Variants in SKAP2 observed in about 807,000 individuals in gnomAD.
The protein encoded by SKAP2 is src kinase-associated phosphoprotein 2.
Under a neutral mutation model 54.9 loss-of-function variants are expected in SKAP2, and 28 were observed. The observed-to-expected ratio is 0.51, with a 90% CI of 0.38 to 0.70. The LOEUF (loss-of-function observed/expected upper bound fraction) is 0.70. SKAP2 is among the 30% of genes least tolerant of loss of function. SKAP2 has a pLI of 0.00. For synonymous variants in SKAP2, 137 were observed against 134.3 expected, an observed-to-expected ratio of 1.02 and a Z score of -0.14; for missense variants, 356 against 424.1, an observed-to-expected ratio of 0.84 and a Z score of 1.41.
chr7:26,740,479 CTGAG>C (rs1782415126), intron 4 of SKAP2, among the ~76,000 whole-genome samples: 1 of 152,126 alleles, frequency 6.6e-6, no homozygotes. Context: ...GGACATTCCA[CTGAG>C]TGAGTATGCT....
At chr7:26,746,616 C>CTTTTTTTTT (rs10669344) in intron 4 of SKAP2, 1 of 131,114 alleles carries the variant, frequency 7.6e-6, no homozygotes. Context: ...AGTTCCATAC[C>CTTTTTTTTT]TTTTTTTTTT....
intron 4 of SKAP2, among the ~76,000 whole-genome samples, chr7:26,805,354 T>C (rs1213643506): frequency 2.6e-5 from 4 of 152,234 alleles, no homozygotes; most frequent in Admixed American, 6.5e-5. Flanking sequence ...ATGCTGATTT[T>C]AAAATGAGTT....
At chr7:26,732,382 C>G (rs1282268327) in intron 6 of SKAP2, among the ~76,000 whole-genome samples, 1 of 152,206 alleles carries the variant, frequency 6.6e-6, no homozygotes, top group Non-Finnish European at 1.5e-5. Flanking sequence ...TACCTTAGTT[C>G]TTGCTTGCTT....
chr7:26,802,262 T>G (rs1470280103), intron 4 of SKAP2, among the ~76,000 whole-genome samples: 2 of 44,220 alleles, frequency 4.5e-5, no homozygotes, highest in East Asian at 5.8e-4. Flanking sequence ...AAAAGACAGT[T>G]TTTTTTTTTT....
At chr7:26,697,836 A>G (rs541503716) in intron 9 of SKAP2, among the ~76,000 whole-genome samples, 1 of 152,248 alleles carries the variant, frequency 6.6e-6, no homozygotes, top group South Asian at 2.1e-4. Context: ...CTTAATTCTT[A>G]TTTTAAATAA....
chr7:26,752,121 C>A (rs1321048620), intron 4 of SKAP2, among the ~76,000 whole-genome samples: 1 of 152,116 alleles, frequency 6.6e-6, no homozygotes, highest in African/African-American at 2.4e-5. Context: ...CTTGGAACTA[C>A]AAAGTCATTT....
chr7:26,833,249 A>G (rs542448434), intron 4 of SKAP2, among the ~76,000 whole-genome samples: 96 of 151,538 alleles, frequency 6.3e-4, no homozygotes, highest in Non-Finnish European at 1.1e-3. Context: ...AAAAAAAATT[A>G]GCCAGGAGTG....
chr7:26,749,325 T>G (rs1019845469), intron 4 of SKAP2, among the ~76,000 whole-genome samples: 1 of 152,192 alleles, frequency 6.6e-6, no homozygotes, highest in South Asian at 2.1e-4. Context: ...TAGTCTATAT[T>G]ATGCGCCAGG....
At position 26,783,794 on chromosome 7, in the gene SKAP2, A is replaced by G. The variant is rs1415405546; in HGVS notation, c.308-43830T>C. On this transcript the variant is annotated intron_variant, in intron 4 of 12. Coordinates refer to ENST00000345317, the MANE Select transcript of SKAP2 (RefSeq NM_003930.5). Reference sequence around the variant, plus strand: ...ACATCACACTCTGGGGCCTGTTGTGAGGTGGGGGGAGCGGGGAGGGATAGC... The same window carrying G: ...ACATCACACTCTGGGGCCTGTTGTGGGGTGGGGGGAGCGGGGAGGGATAGC... 3.9e-5 allele frequency among the ~76,000 whole-genome samples: 6 copies of G among 152,024 alleles called. No individual in the cohort carries two copies. The South Asian group carries it at 8.3e-4, about 21-fold the overall frequency.
In SKAP2 at chr7:26,717,509, C is replaced by CAAAAAAAAAAAAAAAAAAAAAAAAAAAA. The variant is rs58826714; in HGVS notation, c.796+7891_796+7918dup. Among the ~76,000 whole-genome samples the CAAAAAAAAAAAAAAAAAAAAAAAAAAAA allele has an allele frequency of 3.9e-4, 9 of 23,134 alleles. 2 individuals are homozygous for CAAAAAAAAAAAAAAAAAAAAAAAAAAAA. The highest frequency in any genetic ancestry group is 9.4e-4 in the Non-Finnish European group (9 of 9,594). The allele number at this position is 23,134 out of a possible 152,430, so 15.2% of individuals were successfully genotyped here. On this transcript the variant is annotated intron_variant, in intron 9 of 12. Coordinates refer to ENST00000345317, the MANE Select transcript of SKAP2 (RefSeq NM_003930.5). ...TGGGTGACAGAGCAAGACCCCATCTCAAAAAAAAAAAAAAAAAAAAAAAAA... is the reference window on the plus strand; with the variant it reads ...TGGGTGACAGAGCAAGACCCCATCTCAAAAAAAAAAAAAAAAAAAAAAAAAAAAAAAAAAAAAAAAAAAAAAAAAAAAA...
chr7:26,693,788 C>T (rs371739299), intron 9 of SKAP2, among the ~76,000 whole-genome samples: 2 of 151,942 alleles, frequency 1.3e-5, no homozygotes, highest in East Asian at 1.9e-4. Context: ...TTTTTCTTAA[C>T]AATATTTAAA....
chr7:26,808,158 G>A (rs1460031446), intron 4 of SKAP2, among the ~76,000 whole-genome samples: 1 of 152,118 alleles, frequency 6.6e-6, no homozygotes, highest in Non-Finnish European at 1.5e-5. Context: ...GTATAGGGCT[G>A]TGGTCAAAAG....
At chr7:26,858,166 T>C (rs1785212641) in intron 1 of SKAP2, 3 of 152,252 alleles carry the variant, frequency 2.0e-5, no homozygotes, top group Admixed American at 2.0e-4. Context: ...AACTACCAGG[T>C]CTAACTACCC....
At chr7:26,790,719 G>T (rs1214294910) in intron 4 of SKAP2, among the ~76,000 whole-genome samples, 1 of 152,096 alleles carries the variant, frequency 6.6e-6, no homozygotes, top group Non-Finnish European at 1.5e-5. Flanking sequence ...AGACTTTGGA[G>T]ATTCTAAACA....
At position 26,692,201 on chromosome 7, in the gene SKAP2, GA is replaced by G. The variant is rs554553853; in HGVS notation, c.797-1840del. 1.5e-4 allele frequency among the ~76,000 whole-genome samples: 23 copies of G among 149,842 alleles called. No individual in the cohort carries two copies. The South Asian group carries it at 3.2e-3, about 21-fold the overall frequency. On this transcript the variant is annotated intron_variant, in intron 9 of 12. Transcript: ENST00000345317. Reference sequence around the variant, plus strand: ...CTGAATGTGGAGGAATGAGGGGGGGGAAAAGAGCAACAAAGGATGGCTAAGG... The same window carrying G: ...CTGAATGTGGAGGAATGAGGGGGGGGAAAGAGCAACAAAGGATGGCTAAGG...
At chr7:26,828,167 T>C (rs1324282384) in intron 4 of SKAP2, among the ~76,000 whole-genome samples, 1 of 152,158 alleles carries the variant, frequency 6.6e-6, no homozygotes, top group Non-Finnish European at 1.5e-5. Context: ...AAATGATCTA[T>C]TAGACTATGT....
intron 4 of SKAP2, among the ~76,000 whole-genome samples, chr7:26,814,683 C>G (rs1333112523): frequency 6.6e-6 from 1 of 151,504 alleles, no homozygotes; most frequent in Non-Finnish European, 1.5e-5. Context: ...AAGAGAAACA[C>G]TTTTATATGA....
chr7:26,851,053 T>C (rs2031811), intron 3 of SKAP2, among the ~76,000 whole-genome samples: 32,290 of 151,500 alleles, frequency 0.21, 3,523 homozygotes, highest in Non-Finnish European at 0.24. Flanking sequence ...AAAATGGAAA[T>C]ACCAAAAAAA....
intron 4 of SKAP2, among the ~76,000 whole-genome samples, chr7:26,835,671 C>T (rs1186726336): frequency 6.7e-6 from 1 of 148,170 alleles, no homozygotes; most frequent in East Asian, 1.9e-4. Context: ...CTACAAACCA[C>T]TGCTCAAGGA....
Sources: gnomAD v4.1 joint callset for allele counts (sites outside exome capture counted in the v4.1 genomes callset) on GRCh38, gnomAD v4.1.1 for gene constraint, MANE v1.5 for transcripts, NCBI Gene and HGNC (gene_info 2026-07-23, HGNC 2026-07-21) for gene names.